The following MCF2L2 variants were observed in gnomAD, a reference collection of about 807,000 sequenced individuals.
MCF2L2 encodes MCF.2 cell line derived transforming sequence-like 2.
In MCF2L2, 102 loss-of-function variants were observed where a neutral mutation model predicts 150.2. The observed-to-expected ratio is 0.68, with a 90% confidence interval of 0.58 to 0.80. The LOEUF (loss-of-function observed/expected upper bound fraction) is 0.80. MCF2L2 is among the 30% of genes least tolerant of loss of function. The pLI is 0.00. For missense variants in MCF2L2, 1,256 were observed against 1,372.8 expected, an observed-to-expected ratio of 0.91 and a Z score of 1.34; for synonymous variants, 465 against 491.3, an observed-to-expected ratio of 0.95 and a Z score of 0.71.
chr3:183,353,578 T>C lies in MCF2L2; in HGVS notation c.276-11948A>G, dbSNP rs556825359. Among the ~76,000 whole-genome samples, 169 of 152,268 alleles carry C rather than the reference T, an allele frequency of 1.1e-3. 1 individual carries two copies. The highest frequency in any genetic ancestry group is 2.9e-3 in the South Asian group (14 of 4,814). On this transcript the variant is annotated intron_variant, in intron 3 of 29. Coordinates refer to ENST00000328913, the MANE Select transcript of MCF2L2 (RefSeq NM_015078.4). The stretch of plus-strand genomic sequence containing the variant: ...GGCAAAGCGGGGCAGGCACGTCTTA[T>C]CGTGCCTGGAGCAGGAGGAAGAGAG...
intron 27 of MCF2L2, among the ~76,000 whole-genome samples, chr3:183,189,112 A>G (rs985883553): frequency 2.6e-5 from 4 of 152,182 alleles, no homozygotes; most frequent in African/African-American, 9.7e-5. Context: ...GGACATTTAA[A>G]AGTGGTAGCA....
At chr3:183,377,945 T>C (rs550716163) in intron 3 of MCF2L2, 3 of 152,204 alleles carry the variant, frequency 2.0e-5, no homozygotes, top group Admixed American at 6.5e-5. Context: ...TGATGAAATA[T>C]ATTTAAGTAC....
At chr3:183,272,659 ACAGTTT>A (rs1726876067) in intron 15 of MCF2L2, 1 of 1,003,138 alleles carries the variant, frequency 1.0e-6, no homozygotes, top group African/African-American at 1.7e-5. Context: ...TTAGATCATT[ACAGTTT>A]AAGTTTTCTG....
intron 3 of MCF2L2, among the ~76,000 whole-genome samples, chr3:183,355,123 C>T (rs945149671): frequency 6.6e-6 from 1 of 150,496 alleles, no homozygotes; most frequent in African/African-American, 2.4e-5. Flanking sequence ...CTAATGGATC[C>T]CATCCCCTCC....
intron 1 of MCF2L2, among the ~76,000 whole-genome samples, chr3:183,396,602 CAAG>C (rs1714479325): frequency 6.6e-6 from 1 of 151,766 alleles, no homozygotes; most frequent in Non-Finnish European, 1.5e-5. Flanking sequence ...GACATGAAGG[CAAG>C]AAAAAATATA....
intron 15 of MCF2L2, among the ~76,000 whole-genome samples, chr3:183,262,273 T>C (rs558780515): frequency 3.3e-5 from 5 of 151,136 alleles, no homozygotes; most frequent in Non-Finnish European, 7.4e-5. Context: ...TTGGTATACA[T>C]ACATATACTA....
Position 183,179,357 on chromosome 3 carries a change from G to T in MCF2L2, c.*23C>A, listed in dbSNP as rs1178768492. 2.1e-6 allele frequency: 3 copies of T among 1,428,102 alleles called. No homozygotes were observed. Among genetic ancestry groups the T allele is most frequent in the African/African-American group, 3.0e-5 (2 of 66,988 alleles). The allele number at this position is 1,428,102 out of a possible 1,614,324, so 88.5% of individuals were successfully genotyped here. ...GGAATGCGGGCGCTCTGGAGCCGAG[G>T]AGCGGGGGCGTCCGCAGGGAGGTCA... is the stretch of plus-strand genomic sequence containing the variant. On this transcript the variant is annotated 3_prime_UTR_variant, in exon 30 of 30. Transcript: ENST00000328913. The surrounding 1 kb of genome is among the most constrained non-coding windows in gnomAD (Gnocchi z 4.2).
chr3:183,230,347 C>T (rs902138893), intron 16 of MCF2L2, among the ~76,000 whole-genome samples: 3 of 152,184 alleles, frequency 2.0e-5, no homozygotes, highest in Non-Finnish European at 4.4e-5. Context: ...CTTCTGACCT[C>T]AGGCGATCCA....
chr3:183,274,450 G>A (rs1431773180), intron 15 of MCF2L2, among the ~76,000 whole-genome samples: 2 of 152,108 alleles, frequency 1.3e-5, no homozygotes, highest in Non-Finnish European at 2.9e-5. Flanking sequence ...CTGGTGCTTC[G>A]ATATAGTTGC....
At chr3:183,245,750 T>C (rs1004440794) in intron 15 of MCF2L2, among the ~76,000 whole-genome samples, 11 of 152,190 alleles carry the variant, frequency 7.2e-5, no homozygotes, top group Admixed American at 7.2e-4. Context: ...CAAAGCACTA[T>C]AGACCCATAC....
At chr3:183,235,501 G>A (rs1336707898) in intron 15 of MCF2L2, among the ~76,000 whole-genome samples, 4 of 49,394 alleles carry the variant, frequency 8.1e-5, no homozygotes, top group Non-Finnish European at 1.3e-4. Flanking sequence ...GTCTTCTTTT[G>A]AGAAGTGTCT....
At chr3:183,379,477 T>G in intron 2 of MCF2L2, 66 bp from the exon 3 acceptor site, 1 of 1,108,936 alleles carries the variant, frequency 9.0e-7, no homozygotes, top group East Asian at 2.6e-5. Flanking sequence ...TGCAGGGAAG[T>G]TGGGCGAAAG....
chr3:183,309,558 G>T lies in MCF2L2; in HGVS notation c.1113+158C>A, dbSNP rs560064117. ...GCTGCCCGTATTATTCATAGCAGTT[G>T]TTAATGTGCCTCTCTCCTTGGGATC... is the stretch of plus-strand genomic sequence containing the variant. On this transcript the variant is annotated intron_variant, in intron 10 of 29. Coordinates refer to ENST00000328913, the MANE Select transcript of MCF2L2 (RefSeq NM_015078.4). 9.2e-5 allele frequency among the ~76,000 whole-genome samples: 14 copies of T among 152,276 alleles called. No individual in the cohort carries two copies. The South Asian group carries it at 2.9e-3, about 32-fold the overall frequency.
intron 13 of MCF2L2, among the ~76,000 whole-genome samples, chr3:183,292,552 T>A (rs1326295420): frequency 7.1e-6 from 1 of 140,586 alleles, no homozygotes; most frequent in Non-Finnish European, 1.5e-5. Context: ...AATAAGGGGG[T>A]ATGTACACAC....
At chr3:183,416,016 CATT>C (rs1244008612) in intron 1 of MCF2L2, among the ~76,000 whole-genome samples, 1 of 151,760 alleles carries the variant, frequency 6.6e-6, no homozygotes, top group Admixed American at 6.6e-5. Context: ...ATAATATTTT[CATT>C]ATATTTTAAG....
At chr3:183,342,621 TGTGTGTGTGTGTGTG>T (rs1042546716) in intron 3 of MCF2L2, among the ~76,000 whole-genome samples, 1 of 140 alleles carries the variant, frequency 7.1e-3, no homozygotes, top group Non-Finnish European at 0.012. Flanking sequence ...GAAGATTAAA[TGTGTGTGTGTGTGTG>T]TGTGTGTGTG....
At chr3:183,182,971 C>T (rs1005427545) in intron 27 of MCF2L2, among the ~76,000 whole-genome samples, 1 of 152,122 alleles carries the variant, frequency 6.6e-6, no homozygotes, top group African/African-American at 2.4e-5. Flanking sequence ...CTTCCTCACC[C>T]AGGCCTTCCA....
chr3:183,268,054 G>C (rs1726331923), intron 15 of MCF2L2, among the ~76,000 whole-genome samples: 1 of 152,158 alleles, frequency 6.6e-6, no homozygotes, highest in South Asian at 2.1e-4. Context: ...CATCTTTCAG[G>C]GAATGGGTTG....
intron 5 of MCF2L2, among the ~76,000 whole-genome samples, chr3:183,328,521 A>G (rs61378305): frequency 0.13 from 19,209 of 142,886 alleles, 1,252 homozygotes; most frequent in African/African-American, 0.15. Flanking sequence ...GCTTGGTGTG[A>G]AAAAAAAAAA....
Sources: allele counts gnomAD v4.1 joint callset (sites outside exome capture counted in the v4.1 genomes callset), GRCh38; gene constraint gnomAD v4.1.1; non-coding constraint Gnocchi (gnomAD v3.1); transcripts MANE v1.5; gene names NCBI Gene and HGNC (gene_info 2026-07-23, HGNC 2026-07-21).